The following KCNT2 variants were observed in gnomAD, a reference collection of about 807,000 sequenced individuals.
The protein encoded by KCNT2 is potassium channel subfamily T member 2.
A neutral mutation model predicts 153.8 loss-of-function variants in KCNT2; 67 were observed. That is an observed-to-expected ratio of 0.44 (90% confidence interval 0.36 to 0.53). The LOEUF (loss-of-function observed/expected upper bound fraction) is 0.53, where lower values mean the gene tolerates loss of function less well. Among genes scored for constraint, KCNT2 ranks in the 20% least tolerant of loss-of-function variants. KCNT2 has a pLI of 0.00. For missense variants in KCNT2, 975 were observed against 1,354.8 expected (o/e 0.72, Z 4.40); for synonymous variants, 500 against 458.8 (o/e 1.09, Z -1.15).
At chr1:196,340,257 A>G (rs1021746020) in intron 16 of KCNT2, 84 bp downstream of exon 16, 1 of 870,586 alleles carries the variant, frequency 1.1e-6, no homozygotes, top group African/African-American at 1.7e-5. Flanking sequence ...TAAACTTTTA[A>G]TAAAAATTTA....
intron 1 of KCNT2, among the ~76,000 whole-genome samples, chr1:196,532,476 A>AT (rs111459241): frequency 6.6e-6 from 1 of 151,904 alleles, no homozygotes; most frequent in South Asian, 2.1e-4. Context: ...GGGAAAAAAA[A>AT]ATCTATATAA....
chr1:196,258,159 G>T (rs932307506), intron 26 of KCNT2, 35 bp downstream of exon 26: 4 of 1,580,364 alleles, frequency 2.5e-6, no homozygotes, highest in South Asian at 1.1e-5. Context: ...AAGAAATCAC[G>T]AGTCCATATA....
At chr1:196,518,361 G>A (rs1652882057) in intron 1 of KCNT2, among the ~76,000 whole-genome samples, 1 of 151,222 alleles carries the variant, frequency 6.6e-6, no homozygotes, top group South Asian at 2.1e-4. Context: ...AAAAAAGCCA[G>A]CATAATAACT....
intron 5 of KCNT2, among the ~76,000 whole-genome samples, chr1:196,473,096 T>C (rs911852540): frequency 6.6e-6 from 1 of 152,238 alleles, no homozygotes; most frequent in Admixed American, 6.5e-5. Context: ...GAACATGCCT[T>C]AAGTATACTT....
At chr1:196,300,093 T>G (rs984731988) in intron 22 of KCNT2, among the ~76,000 whole-genome samples, 1 of 152,196 alleles carries the variant, frequency 6.6e-6, no homozygotes, top group Admixed American at 6.5e-5. Context: ...CAAACTTGTA[T>G]AGGCATGTAG....
At chr1:196,533,732 T>C (rs554375962) in intron 1 of KCNT2, among the ~76,000 whole-genome samples, 2 of 152,272 alleles carry the variant, frequency 1.3e-5, no homozygotes, top group Non-Finnish European at 2.9e-5. Flanking sequence ...TGGCATCATA[T>C]ATAAAGCTAG....
chr1:196,440,762 T>G (rs1675155224), intron 8 of KCNT2, among the ~76,000 whole-genome samples: 1 of 151,816 alleles, frequency 6.6e-6, no homozygotes, highest in Admixed American at 6.6e-5. Context: ...ATTTAAAAAA[T>G]TCTCCATCTC....
chr1:196,354,614 A>G (rs972131413), intron 14 of KCNT2, among the ~76,000 whole-genome samples: 2 of 151,732 alleles, frequency 1.3e-5, no homozygotes, highest in African/African-American at 2.4e-5. Context: ...TTGTACTTAA[A>G]TAAGATTAAT....
At position 196,371,220 on chromosome 1, in the gene KCNT2, C is replaced by CAAAAAAA. The variant is rs952744388; in HGVS notation, c.1403+1913_1403+1919dup. Among the ~76,000 whole-genome samples the CAAAAAAA allele has an allele frequency of 9.1e-4, 20 of 21,934 alleles. 5 individuals carry two copies. Among genetic ancestry groups the CAAAAAAA allele is most frequent in the African/African-American group, 2.2e-3 (15 of 6,722 alleles). 14.4% of individuals were successfully genotyped at this position (21,934 alleles called of 152,430 possible). On this transcript the variant is annotated intron_variant, in intron 14 of 27. Coordinates refer to ENST00000294725, the MANE Select transcript of KCNT2 (RefSeq NM_198503.5). The stretch of plus-strand genomic sequence containing the variant: ...GCAACATGGCAAAATCCCGTCACTA[C>CAAAAAAA]AAAAAAAAAAAAAAAAAAAAAAAAA...
intron 3 of KCNT2, among the ~76,000 whole-genome samples, chr1:196,483,798 G>A (rs1679201820): frequency 6.6e-6 from 1 of 152,022 alleles, no homozygotes; most frequent in Admixed American, 6.6e-5. Flanking sequence ...GCAATTACAA[G>A]TTCCATAAGA....
intron 8 of KCNT2, among the ~76,000 whole-genome samples, chr1:196,445,018 T>C (rs928133853): frequency 1.3e-4 from 19 of 151,416 alleles, no homozygotes; most frequent in African/African-American, 4.6e-4. Context: ...CCCTTTATTC[T>C]CTACAACCTA....
intron 26 of KCNT2, among the ~76,000 whole-genome samples, chr1:196,251,380 C>T (rs1206033560): frequency 1.3e-5 from 2 of 151,876 alleles, no homozygotes; most frequent in African/African-American, 2.4e-5. Flanking sequence ...GTGTGTTTAG[C>T]AGTGTGTTTT....
chr1:196,603,353 T>A (rs1281172287), intron 1 of KCNT2, among the ~76,000 whole-genome samples: 1 of 152,158 alleles, frequency 6.6e-6, no homozygotes, highest in Non-Finnish European at 1.5e-5. Context: ...ACTTAAAATT[T>A]AGAATAAATA....
At chr1:196,231,727 A>G (rs1184311236) in intron 27 of KCNT2, among the ~76,000 whole-genome samples, 2 of 151,850 alleles carry the variant, frequency 1.3e-5, no homozygotes, top group Non-Finnish European at 2.9e-5. Flanking sequence ...TTAGAAAACT[A>G]GTAAATCATG....
chr1:196,484,804 A>C (rs530576040), intron 3 of KCNT2, among the ~76,000 whole-genome samples: 3 of 152,090 alleles, frequency 2.0e-5, no homozygotes, highest in African/African-American at 4.8e-5. Flanking sequence ...AAAGTCAAGA[A>C]ACAATAGATG....
chr1:196,516,697 G>A (rs576030426), intron 1 of KCNT2, among the ~76,000 whole-genome samples: 1 of 152,254 alleles, frequency 6.6e-6, no homozygotes, highest in East Asian at 1.9e-4. Context: ...CTGTCAAGCA[G>A]GGTACCTAGC....
At chr1:196,377,804 C>T (rs1405125771) in intron 13 of KCNT2, among the ~76,000 whole-genome samples, 2 of 152,012 alleles carry the variant, frequency 1.3e-5, no homozygotes, top group Non-Finnish European at 2.9e-5. Context: ...CTTTCAGAGC[C>T]TTTATCAGAG....
At chr1:196,602,572 C>T (rs917717181) in intron 1 of KCNT2, among the ~76,000 whole-genome samples, 6 of 151,884 alleles carry the variant, frequency 4.0e-5, no homozygotes, top group Non-Finnish European at 8.8e-5. Context: ...TTAAATCAAA[C>T]TTTAAAAATA....
chr1:196,271,016 G>T (rs746548817), intron 25 of KCNT2, among the ~76,000 whole-genome samples: 3 of 151,386 alleles, frequency 2.0e-5, no homozygotes, highest in Non-Finnish European at 4.4e-5. Context: ...ATACACAAAA[G>T]ATTTTAAACA....
Sources: allele counts gnomAD v4.1 joint callset (sites outside exome capture counted in the v4.1 genomes callset), GRCh38; gene constraint gnomAD v4.1.1; transcripts MANE v1.5; gene names NCBI Gene and HGNC (gene_info 2026-07-23, HGNC 2026-07-21).